The following SMAD3 variants were observed in gnomAD, a reference collection of about 807,000 sequenced individuals.
The protein encoded by SMAD3 is SMAD family member 3.
In SMAD3, 12 loss-of-function variants were observed where a neutral mutation model predicts 51.8. The ratio of observed to expected loss-of-function variants is 0.23; its 90% CI spans 0.15 to 0.38. SMAD3 has a LOEUF of 0.38. Among genes scored for constraint, SMAD3 ranks in the 10% least tolerant of loss-of-function variants. SMAD3 has a pLI of 1.00. For synonymous variants in SMAD3, 238 were observed against 227.7 expected (o/e 1.05, Z -0.41); for missense variants, 294 against 565.6 (o/e 0.52, Z 4.87).
rs1960682939 is a variant in SMAD3, at chr15:67,098,893, TCCTGAGGGGG to T, written c.206+32536_206+32545del. On this transcript the variant is annotated intron_variant, in intron 1 of 8. Transcript: ENST00000327367. ...ACATGGATGGGAGGGTGGACTCCGTTCCTGAGGGGGCCAGTGTGGAGGAGGGTCAGGCAGC... is the reference window on the plus strand; with the variant it reads ...ACATGGATGGGAGGGTGGACTCCGTTCCAGTGTGGAGGAGGGTCAGGCAGC... 9 of 702,082 alleles carry T rather than the reference TCCTGAGGGGG, an allele frequency of 1.3e-5. No individual in the cohort carries two copies. In the East Asian group the frequency reaches 2.4e-4, roughly 19 times the overall value. 43.5% of individuals were successfully genotyped at this position (702,082 alleles called of 1,614,324 possible). A position where few individuals can be genotyped will look rare whatever the true frequency, so the allele number is the denominator to read the frequency against.
rs547354315 is a variant in SMAD3, at chr15:67,160,770, CAAAAAAAAAAAAAAAAAAAAAAAAA to C, written c.207-4107_207-4083del. On this transcript the variant is annotated intron_variant, in intron 1 of 8. Transcript: ENST00000327367. Reference sequence around the variant, plus strand: ...TGGGCGACAGAGCGAGACTCCATCTCAAAAAAAAAAAAAAAAAAAAAAAAAAAAAAAAAAAAAAAAAAGAAGATTG... The same window carrying C: ...TGGGCGACAGAGCGAGACTCCATCTCAAAAAAAAAAAAAAAAAGAAGATTG... Among the ~76,000 whole-genome samples, 38 of 61,038 alleles carry C rather than the reference CAAAAAAAAAAAAAAAAAAAAAAAAA, an allele frequency of 6.2e-4. 1 individual carries two copies. Among genetic ancestry groups the C allele is most frequent in the African/African-American group, 2.0e-3 (27 of 13,630 alleles). The allele number at this position is 61,038 out of a possible 152,430, so 40.0% of individuals were successfully genotyped here. A position where few individuals can be genotyped will look rare whatever the true frequency, so the allele number is the denominator to read the frequency against.
intron 1 of SMAD3, among the ~76,000 whole-genome samples, chr15:67,123,383 C>T (rs984641327): frequency 8.5e-5 from 13 of 152,088 alleles, no homozygotes; most frequent in Non-Finnish European, 1.6e-4. Context: ...CCCGTAATCC[C>T]AGCTACTCGG....
chr15:67,081,142 G>C (rs1007582807), intron 1 of SMAD3, among the ~76,000 whole-genome samples: 1 of 152,210 alleles, frequency 6.6e-6, no homozygotes, highest in Non-Finnish European at 1.5e-5. Flanking sequence ...TGGCTCAGCT[G>C]GGTCTTATAA....
At chr15:67,107,969 C>CT (rs768366751) in intron 1 of SMAD3, among the ~76,000 whole-genome samples, 2 of 134,410 alleles carry the variant, frequency 1.5e-5, no homozygotes, top group Non-Finnish European at 1.6e-5. Flanking sequence ...CTCCTCTCCC[C>CT]CCCACCCCCC....
chr15:67,182,542 C>T (rs531598285), intron 6 of SMAD3, among the ~76,000 whole-genome samples: 1 of 152,264 alleles, frequency 6.6e-6, no homozygotes, highest in African/African-American at 2.4e-5. Flanking sequence ...AACCAGGGCA[C>T]CTCTGCACTC....
intron 5 of SMAD3, among the ~76,000 whole-genome samples, chr15:67,178,004 C>T (rs562031852): frequency 6.6e-6 from 1 of 152,346 alleles, no homozygotes; most frequent in African/African-American, 2.4e-5. Flanking sequence ...AAATGGCAGC[C>T]TGCAGACTTT....
chr15:67,102,606 G>A (rs920203822), intron 1 of SMAD3, among the ~76,000 whole-genome samples: 3 of 151,936 alleles, frequency 2.0e-5, no homozygotes, highest in Non-Finnish European at 2.9e-5. Context: ...CTTGTCCTGG[G>A]TGAGATGGGA....
intron 1 of SMAD3, among the ~76,000 whole-genome samples, chr15:67,082,893 C>G (rs1204336947): frequency 6.6e-6 from 1 of 152,140 alleles, no homozygotes; most frequent in Non-Finnish European, 1.5e-5. Flanking sequence ...GTTTTTCTTG[C>G]TTGATTAAAA....
intron 6 of SMAD3, among the ~76,000 whole-genome samples, chr15:67,184,093 A>C (rs1289656914): frequency 1.3e-5 from 2 of 149,686 alleles, no homozygotes. Context: ...AGAGGTTATC[A>C]TCATTCCCTT....
At chr15:67,117,586 G>A (rs1438677046) in intron 1 of SMAD3, among the ~76,000 whole-genome samples, 4 of 152,124 alleles carry the variant, frequency 2.6e-5, no homozygotes, top group African/African-American at 9.7e-5. Flanking sequence ...TCTGGTGGGT[G>A]TGAGGATGTT....
At chr15:67,168,902 T>C (rs1034814254) in intron 4 of SMAD3, among the ~76,000 whole-genome samples, 1 of 152,146 alleles carries the variant, frequency 6.6e-6, no homozygotes, top group Non-Finnish European at 1.5e-5. Flanking sequence ...CAGGGTGTGG[T>C]AGTGTCTCGG....
intron 1 of SMAD3, among the ~76,000 whole-genome samples, chr15:67,078,985 T>TA (rs1019278847): frequency 1.3e-4 from 20 of 150,314 alleles, no homozygotes; most frequent in South Asian, 6.3e-4. Flanking sequence ...ATATTATTAT[T>TA]TTTTTTTTTT....
At chr15:67,121,444 G>A (rs1961261377) in intron 1 of SMAD3, among the ~76,000 whole-genome samples, 1 of 152,152 alleles carries the variant, frequency 6.6e-6, no homozygotes, top group South Asian at 2.1e-4. Context: ...GTTCTGGGTG[G>A]GCAGCTCCCA....
intron 5 of SMAD3, 140 bp from the exon 6 acceptor site, chr15:67,181,101 C>T (rs561437546): frequency 1.5e-5 from 11 of 716,014 alleles, no homozygotes; most frequent in East Asian, 1.4e-4. Flanking sequence ...CAGTTTTATA[C>T]GATAAAAGGC....
At chr15:67,163,879 C>T (rs575437644) in intron 1 of SMAD3, among the ~76,000 whole-genome samples, 3 of 140,808 alleles carry the variant, frequency 2.1e-5, no homozygotes, top group Non-Finnish European at 3.0e-5. Flanking sequence ...GCGGAGGTTG[C>T]AGTGAGCCGA....
Position 67,165,271 on chromosome 15 carries a change from T to C in SMAD3, c.419T>C (p.Val140Ala). Residue 140 changes from valine (V) to alanine (A), a missense_variant, in exon 3 of 9, where the codon GTG becomes GCG. By Grantham distance (64) the Val-to-Ala change is moderately conservative. This residue lies in a region of SMAD3 where 147 missense variants were observed against 260.9 expected (regional missense o/e 0.56). Coordinates refer to ENST00000327367, the MANE Select transcript of SMAD3 (RefSeq NM_005902.4). The part of the protein sequence containing the change: ...VETPVLPPVL[V>A]PRHTEIPAEF... ...CGGACAGTTCTACCTCCTGTGTTGG[T>C]GCCACGCCACACAGAGATCCCGGCC... 6.2e-7 allele frequency: 1 copy of C among 1,614,160 alleles called. No individual in the cohort carries two copies.
intron 1 of SMAD3, among the ~76,000 whole-genome samples, chr15:67,084,361 A>C (rs932728897): frequency 1.3e-5 from 2 of 151,794 alleles, no homozygotes; most frequent in Non-Finnish European, 1.5e-5. Flanking sequence ...GATTACAGGC[A>C]TGAGCCACCG....
chr15:67,066,472 A>G, intron 1 of SMAD3, 112 bp downstream of exon 1: 1 of 885,898 alleles, frequency 1.1e-6, no homozygotes, highest in Non-Finnish European at 1.8e-6. Context: ...GGAGGGAGTG[A>G]GACTGTGTGG....
intron 1 of SMAD3, among the ~76,000 whole-genome samples, chr15:67,130,363 C>T (rs572414130): frequency 9.2e-5 from 14 of 152,278 alleles, no homozygotes; most frequent in Admixed American, 2.0e-4. Context: ...GGACTGATAC[C>T]CGTGTGCGGC....
Sources: gnomAD v4.1 joint callset for allele counts (sites outside exome capture counted in the v4.1 genomes callset) on GRCh38, gnomAD v4.1.1 for gene constraint, gnomAD v4.1.1 regional missense constraint, MANE v1.5 for transcripts, NCBI Gene and HGNC (gene_info 2026-07-23, HGNC 2026-07-21) for gene names.